TLN2: variants seen among roughly 807,000 people sequenced by gnomAD.
The protein encoded by TLN2 is talin 2.
TLN2 carries 118 observed loss-of-function variants against 294.7 expected under a neutral mutation model. The observed-to-expected ratio is 0.40, with a 90% CI of 0.34 to 0.47. The LOEUF is 0.47. Ranked by LOEUF, TLN2 falls within the 20% of genes least tolerant of loss-of-function variation. TLN2 has a pLI of 0.84. For synonymous variants in TLN2, 1,431 were observed against 1,304.5 expected (o/e 1.10, Z -2.09); for missense variants, 3,083 against 3,282.2 (o/e 0.94, Z 1.48).
intron 1 of TLN2, among the ~76,000 whole-genome samples, chr15:62,502,124 A>C (rs2039341734): frequency 6.6e-6 from 1 of 152,200 alleles, no homozygotes; most frequent in African/African-American, 2.4e-5. Flanking sequence ...ATTGGAAGGC[A>C]TTGCCACAAG....
At position 62,646,142 on chromosome 15, in the gene TLN2, T is replaced by G. The variant is rs185435186; in HGVS notation, c.-36-1133T>G. On this transcript the variant is annotated intron_variant, in intron 3 of 58. Transcript: ENST00000636159. Reference sequence around the variant, plus strand: ...TAACCTAAACCTGTGTCTCGTCTCATCTCGTCTCATCTCTTTTCTTTTCTT... The same window carrying G: ...TAACCTAAACCTGTGTCTCGTCTCAGCTCGTCTCATCTCTTTTCTTTTCTT... Among the ~76,000 whole-genome samples the G allele has an allele frequency of 1.7e-3, 253 of 148,364 alleles. 1 individual carries two copies. Among genetic ancestry groups the G allele is most frequent in the Non-Finnish European group, 2.9e-3 (194 of 67,242 alleles).
intron 2 of TLN2, among the ~76,000 whole-genome samples, chr15:62,601,361 C>T (rs754727531): frequency 6.6e-6 from 1 of 152,124 alleles, no homozygotes; most frequent in Non-Finnish European, 1.5e-5. Flanking sequence ...GTTCTACAGT[C>T]TGGATTTTGG....
At chr15:62,625,202 C>T (rs1342244671) in intron 3 of TLN2, among the ~76,000 whole-genome samples, 1 of 152,050 alleles carries the variant, frequency 6.6e-6, no homozygotes, top group East Asian at 1.9e-4. Context: ...TGAATGTGCA[C>T]ATGGGGCTTC....
In TLN2 at chr15:62,534,593, T is replaced by C. The variant is rs116852052; in HGVS notation, c.-237-55094T>C. ...GTGAGTTTTTATGGAAGCATCGTTG[T>C]GTAGGAGTGATTGGTTAAATCATTT... is the stretch of plus-strand genomic sequence containing the variant. On this transcript the variant is annotated intron_variant, in intron 1 of 58. Transcript: ENST00000636159. Among the ~76,000 whole-genome samples the C allele has an allele frequency of 7.9e-5, 12 of 152,274 alleles. No individual in the cohort carries two copies. The East Asian group carries it at 2.3e-3, about 29-fold the overall frequency.
At chr15:62,445,351 G>A (rs2035759532) in intron 1 of TLN2, among the ~76,000 whole-genome samples, 2 of 152,104 alleles carry the variant, frequency 1.3e-5, no homozygotes, top group African/African-American at 2.4e-5. Flanking sequence ...TAATGTATAT[G>A]CTATATACGT....
intron 43 of TLN2, among the ~76,000 whole-genome samples, chr15:62,777,247 TCCCG>T (rs1357177217): frequency 1.9e-4 from 29 of 151,908 alleles, no homozygotes; most frequent in African/African-American, 7.0e-4. Context: ...TAAAAGTGAT[TCCCG>T]CCCGGCCGGG....
chr15:62,681,123 A>G (rs12438401), intron 11 of TLN2, among the ~76,000 whole-genome samples: 16,169 of 152,174 alleles, frequency 0.11, 1,192 homozygotes, highest in Admixed American at 0.21. Context: ...ATCAAATGGT[A>G]GATCTGCTTT....
intron 9 of TLN2, among the ~76,000 whole-genome samples, chr15:62,660,214 G>A (rs1205076199): frequency 2.6e-5 from 4 of 152,108 alleles, no homozygotes; most frequent in South Asian, 4.1e-4. Flanking sequence ...ATTTTTGCTC[G>A]AAGTTGCAAT....
At chr15:62,821,729 GCT>G (rs1292999579) in intron 54 of TLN2, among the ~76,000 whole-genome samples, 3 of 152,140 alleles carry the variant, frequency 2.0e-5, no homozygotes, top group African/African-American at 7.2e-5. Context: ...GTTTACCAGG[GCT>G]CTCTCTGCTG....
chr15:62,802,411 T>TACAC (rs60573464), intron 50 of TLN2, among the ~76,000 whole-genome samples: 13,898 of 149,742 alleles, frequency 0.093, 2,027 homozygotes, highest in African/African-American at 0.32. Flanking sequence ...TATACAATGG[T>TACAC]ACACACACAC....
At chr15:62,516,829 A>G (rs2040216188) in intron 1 of TLN2, among the ~76,000 whole-genome samples, 1 of 152,198 alleles carries the variant, frequency 6.6e-6, no homozygotes, top group Admixed American at 6.5e-5. Context: ...TGCTTATTTA[A>G]GATTTTAGGT....
Position 62,663,262 on chromosome 15 carries a change from T to C in TLN2, c.788+5364T>C, listed in dbSNP as rs1048186569. Among the ~76,000 whole-genome samples the C allele has an allele frequency of 3.3e-5, 5 of 152,118 alleles. No individual in the cohort carries two copies. In the East Asian group the frequency reaches 9.6e-4, roughly 29 times the overall value. ...ACTGGAGAGAAAGAATTTCATAAAATAAAATAATCTTGATGACAAAAAGAA... is the reference window on the plus strand; with the variant it reads ...ACTGGAGAGAAAGAATTTCATAAAACAAAATAATCTTGATGACAAAAAGAA... On this transcript the variant is annotated intron_variant, in intron 9 of 58. Coordinates refer to ENST00000636159, the MANE Select transcript of TLN2 (RefSeq NM_015059.3).
intron 1 of TLN2, among the ~76,000 whole-genome samples, chr15:62,544,860 C>G (rs954400429): frequency 1.3e-5 from 2 of 151,046 alleles, no homozygotes; most frequent in Non-Finnish European, 2.9e-5. Context: ...TTTTCCTTAT[C>G]AATGCTAGTG....
At position 62,647,259 on chromosome 15, in the gene TLN2, T is replaced by A; in HGVS notation, c.-36-16T>A. ...ATTATCGTGAACATCAGGGTTTGTC[T>A]CTTTGTGTTTTCCAGACATTCTAAG... On this transcript the variant is annotated splice_polypyrimidine_tract_variant and intron_variant, in intron 3 of 58. Coordinates refer to ENST00000636159, the MANE Select transcript of TLN2 (RefSeq NM_015059.3). 7 of 1,581,896 alleles carry A rather than the reference T, an allele frequency of 4.4e-6. No individual in the cohort carries two copies. The South Asian group carries it at 6.9e-5, about 16-fold the overall frequency.
At chr15:62,813,931 C>T (rs1194080965) in intron 52 of TLN2, among the ~76,000 whole-genome samples, 2 of 152,032 alleles carry the variant, frequency 1.3e-5, no homozygotes, top group Non-Finnish European at 2.9e-5. Context: ...TCTCCTGCCT[C>T]AGCCTCCCAA....
At position 62,844,229 on chromosome 15, in the gene TLN2, T is replaced by C. The variant is rs2070986897; in HGVS notation, c.*3619T>C. ...ATCCCCAAGTACCATGTTGAAAATGTCCTCAGTCTGTTGCTCCATCTTTCT... is the reference window on the plus strand; with the variant it reads ...ATCCCCAAGTACCATGTTGAAAATGCCCTCAGTCTGTTGCTCCATCTTTCT... On this transcript the variant is annotated 3_prime_UTR_variant, in exon 59 of 59. Transcript: ENST00000636159. 1 of 152,292 alleles carries C rather than the reference T, an allele frequency of 6.6e-6. No homozygotes were observed. Among genetic ancestry groups the C allele is most frequent in the African/African-American group, 2.4e-5 (1 of 41,414 alleles). 9.4% of individuals were successfully genotyped at this position (152,292 alleles called of 1,614,324 possible).
chr15:62,653,367 C>T, intron 7 of TLN2, 53 bp downstream of exon 7: 1 of 1,545,002 alleles, frequency 6.5e-7, no homozygotes, highest in Non-Finnish European at 8.7e-7. Context: ...TGCTAAGCCT[C>T]ACTTCCCTCC....
chr15:62,416,507 T>C (rs1343459832), intron 1 of TLN2, among the ~76,000 whole-genome samples: 1 of 152,156 alleles, frequency 6.6e-6, no homozygotes, highest in Non-Finnish European at 1.5e-5. Flanking sequence ...ATACAACTCA[T>C]TATATTTATG....
At chr15:62,719,404 T>C (rs1163768637) in intron 24 of TLN2, among the ~76,000 whole-genome samples, 1 of 152,178 alleles carries the variant, frequency 6.6e-6, no homozygotes, top group Non-Finnish European at 1.5e-5. Flanking sequence ...TACACTTCAG[T>C]TTACCACCTG....
Sources: allele counts gnomAD v4.1 joint callset (sites outside exome capture counted in the v4.1 genomes callset), GRCh38; gene constraint gnomAD v4.1.1; transcripts MANE v1.5; gene names NCBI Gene and HGNC (gene_info 2026-07-23, HGNC 2026-07-21).